SYT17: variants seen among roughly 807,000 people sequenced by gnomAD.
SYT17 encodes the protein synaptotagmin 17, also known as synaptotagmin-17.
Under a neutral mutation model 46.7 loss-of-function variants are expected in SYT17, and 22 were observed. The observed-to-expected ratio is 0.47, with a 90% CI of 0.34 to 0.67. The LOEUF (loss-of-function observed/expected upper bound fraction) is 0.67. SYT17 is among the 30% of genes least tolerant of loss of function. SYT17 has a pLI of 0.01. For missense variants in SYT17, 519 were observed against 612.8 expected (o/e 0.85, Z 1.62); for synonymous variants, 251 against 248.4 (o/e 1.01, Z -0.10).
intron 5 of SYT17, among the ~76,000 whole-genome samples, chr16:19,195,827 A>T (rs999027660): frequency 2.6e-5 from 4 of 152,130 alleles, no homozygotes; most frequent in Admixed American, 6.6e-5. Flanking sequence ...TCTACAAAAA[A>T]TTTAAAACTT....
intron 5 of SYT17, among the ~76,000 whole-genome samples, chr16:19,204,447 CCTCA>C (rs1306448674): frequency 1.3e-5 from 2 of 151,948 alleles, no homozygotes; most frequent in African/African-American, 4.8e-5. Flanking sequence ...GTCTCTAGAG[CCTCA>C]CTCAGCTTTC....
At chr16:19,191,077 C>A (rs1964999744) in intron 5 of SYT17, among the ~76,000 whole-genome samples, 1 of 151,860 alleles carries the variant, frequency 6.6e-6, no homozygotes, top group Non-Finnish European at 1.5e-5. Context: ...CATGCGGGAA[C>A]CTTTCTGAGC....
rs1360651547 is a variant in SYT17, at chr16:19,268,289, G to A, written c.*1213G>A. ...TCCACAGCATAATGTCTGGTGTGAT[G>A]GGGAGCTATTTATTGAAATTAAAGA... On this transcript the variant is annotated 3_prime_UTR_variant, in exon 8 of 8. Transcript: ENST00000355377. 6.6e-6 allele frequency: 1 copy of A among 152,068 alleles called. No homozygotes were observed. The highest frequency in any genetic ancestry group is 2.4e-5 in the African/African-American group (1 of 41,384). 9.4% of individuals were successfully genotyped at this position (152,068 alleles called of 1,614,324 possible).
At chr16:19,226,751 A>T (rs915494366) in intron 7 of SYT17, among the ~76,000 whole-genome samples, 4 of 152,196 alleles carry the variant, frequency 2.6e-5, no homozygotes, top group African/African-American at 9.6e-5. Context: ...AGACACAGAT[A>T]AAAAATGAAG....
chr16:19,186,361 G>A (rs1421468621), intron 5 of SYT17, among the ~76,000 whole-genome samples: 1 of 151,940 alleles, frequency 6.6e-6, no homozygotes, highest in African/African-American at 2.4e-5. Flanking sequence ...GCATGTGCCT[G>A]TAGTCCCAGC....
intron 3 of SYT17, among the ~76,000 whole-genome samples, chr16:19,176,980 G>C (rs556739844): frequency 6.6e-6 from 1 of 152,094 alleles, no homozygotes; most frequent in Admixed American, 6.6e-5. Context: ...GATTTTCTTC[G>C]ATACCAGCGG....
intron 7 of SYT17, among the ~76,000 whole-genome samples, chr16:19,266,408 A>G (rs1261939585): frequency 3.9e-5 from 6 of 152,262 alleles, no homozygotes; most frequent in Admixed American, 3.9e-4. Context: ...CAGTTACGGC[A>G]AAGGATTATC....
At chr16:19,259,780 C>T (rs768005941) in intron 7 of SYT17, among the ~76,000 whole-genome samples, 8 of 151,468 alleles carry the variant, frequency 5.3e-5, no homozygotes, top group Non-Finnish European at 1.2e-4. Flanking sequence ...ATTTTGTAAA[C>T]CAAAAAGTGT....
intron 7 of SYT17, among the ~76,000 whole-genome samples, chr16:19,245,092 G>A (rs1377196190): frequency 6.6e-6 from 1 of 152,130 alleles, no homozygotes; most frequent in Admixed American, 6.5e-5. Context: ...TCAACAGTGG[G>A]GGAATCTCAT....
In SYT17 at chr16:19,226,658, T is replaced by C. The variant is rs955692129; in HGVS notation, c.1228+1820T>C. On this transcript the variant is annotated intron_variant, in intron 7 of 7. Transcript: ENST00000355377. ...ACAAGGGCCTCACTCTCTCCTAGGTTTCAGGCCAAGACAGAAGACCGTCAC... is the reference window on the plus strand; with the variant it reads ...ACAAGGGCCTCACTCTCTCCTAGGTCTCAGGCCAAGACAGAAGACCGTCAC... Among the ~76,000 whole-genome samples, 83 of 152,234 alleles carry C rather than the reference T, an allele frequency of 5.5e-4. 1 individual carries two copies. The highest frequency in any genetic ancestry group is 2.1e-4 in the Non-Finnish European group (14 of 67,994).
At chr16:19,228,901 G>T (rs530658104) in intron 7 of SYT17, among the ~76,000 whole-genome samples, 16 of 152,362 alleles carry the variant, frequency 1.1e-4, no homozygotes, top group African/African-American at 3.8e-4. Flanking sequence ...TTTAGCATTT[G>T]CCGTGAATCC....
chr16:19,177,437 AAAGGG>A (rs1376268984), intron 3 of SYT17, among the ~76,000 whole-genome samples: 42 of 152,336 alleles, frequency 2.8e-4, no homozygotes, highest in African/African-American at 9.1e-4. Flanking sequence ...AGAAATCTGT[AAAGGG>A]AAGATGGCTA....
chr16:19,197,644 C>G (rs1231917924), intron 5 of SYT17, among the ~76,000 whole-genome samples: 3 of 152,066 alleles, frequency 2.0e-5, no homozygotes, highest in African/African-American at 7.2e-5. Context: ...TCAGGCTGGT[C>G]TTGAGCTTCT....
Position 19,168,348 on chromosome 16 carries a change from A to G in SYT17, c.-299A>G, listed in dbSNP as rs1434756983. On this transcript the variant is annotated 5_prime_UTR_variant, in exon 1 of 8. Coordinates refer to ENST00000355377, the MANE Select transcript of SYT17 (RefSeq NM_016524.4). This position sits in a 1 kb window ranked among gnomAD's most constrained non-coding sequence, Gnocchi z 6.9. ...GCCCCGGCCTTATTCCAGCCTGGGG[A>G]GCGCCTCGGTGGGGAGCACGGGACA... The G allele has an allele frequency of 4.1e-5, 19 of 461,662 alleles. No homozygotes were observed. The highest frequency in any genetic ancestry group is 7.3e-5 in the Non-Finnish European group (19 of 261,452). 28.6% of individuals were successfully genotyped at this position (461,662 alleles called of 1,614,324 possible). A position where few individuals can be genotyped will look rare whatever the true frequency, so the allele number is the denominator to read the frequency against.
At chr16:19,254,215 T>C (rs1968397252) in intron 7 of SYT17, among the ~76,000 whole-genome samples, 2 of 152,118 alleles carry the variant, frequency 1.3e-5, no homozygotes, top group African/African-American at 4.8e-5. Flanking sequence ...ACTCCCTGAG[T>C]GAGTCTGCTG....
Position 19,172,750 on chromosome 16 carries a change from A to C in SYT17, c.16-10A>C, listed in dbSNP as rs1430956037. The C allele has an allele frequency of 6.2e-7, 1 of 1,612,052 alleles. No homozygotes were observed. Among genetic ancestry groups the C allele is most frequent in the South Asian group, 1.1e-5 (1 of 91,026 alleles). ...CGCCCTTGGCTTCATCGTGGATCTTAAAAGGGCAGTTGGAACCATTAAACG... is the reference window on the plus strand; with the variant it reads ...CGCCCTTGGCTTCATCGTGGATCTTCAAAGGGCAGTTGGAACCATTAAACG... On this transcript the variant is annotated splice_polypyrimidine_tract_variant and intron_variant, in intron 1 of 7. Coordinates refer to ENST00000355377, the MANE Select transcript of SYT17 (RefSeq NM_016524.4).
In SYT17 at chr16:19,266,975, C is replaced by A; in HGVS notation, c.1324C>A (p.Arg442Ser). ...CCCCTCTGAGACCAACCACTGGAGGCGCATGCTCAACACGCACCGCACAGC... is the reference window on the plus strand; with the variant it reads ...CCCCTCTGAGACCAACCACTGGAGGAGCATGCTCAACACGCACCGCACAGC... Reference protein sequence around the residue: ...SGPSETNHWRRMLNTHRTAVE... With the variant: ...SGPSETNHWRSMLNTHRTAVE... The change falls in exon 8 of 8, where the codon CGC becomes AGC. Residue 442 changes from arginine (R) to serine (S), a missense_variant. Coordinates refer to ENST00000355377, the MANE Select transcript of SYT17 (RefSeq NM_016524.4). The A allele has an allele frequency of 6.2e-7, 1 of 1,613,866 alleles. No individual in the cohort carries two copies. Among genetic ancestry groups the A allele is most frequent in the Non-Finnish European group, 8.5e-7 (1 of 1,179,998 alleles).
intron 5 of SYT17, among the ~76,000 whole-genome samples, chr16:19,212,814 G>C (rs1161812502): frequency 6.6e-6 from 1 of 152,164 alleles, no homozygotes; most frequent in Non-Finnish European, 1.5e-5. Flanking sequence ...TCCTTGGGAG[G>C]GCTGAACCCA....
At chr16:19,238,999 C>T (rs776153101) in intron 7 of SYT17, among the ~76,000 whole-genome samples, 1 of 151,062 alleles carries the variant, frequency 6.6e-6, no homozygotes, top group Admixed American at 6.6e-5. Context: ...AGGGCCTGGC[C>T]AGGTGCCATG....
Sources: allele counts gnomAD v4.1 joint callset (sites outside exome capture counted in the v4.1 genomes callset), GRCh38; gene constraint gnomAD v4.1.1; non-coding constraint Gnocchi (gnomAD v3.1); transcripts MANE v1.5; gene names NCBI Gene and HGNC (gene_info 2026-07-23, HGNC 2026-07-21).